The following SUGCT variants were observed in gnomAD, a reference collection of about 807,000 sequenced individuals.
SUGCT encodes the protein succinyl-CoA:glutarate-CoA transferase.
In SUGCT, 41 loss-of-function variants were observed where a neutral mutation model predicts 55.0. The ratio of observed to expected loss-of-function variants is 0.74; its 90% confidence interval spans 0.58 to 0.97. The LOEUF is 0.97. SUGCT is among the 50% of genes least tolerant of loss of function. SUGCT has a pLI of 0.00. For missense variants in SUGCT, 568 were observed against 547.8 expected (o/e 1.04, Z -0.37); for synonymous variants, 187 against 200.4 (o/e 0.93, Z 0.56).
At chr7:40,209,653 A>T (rs1787215380) in intron 6 of SUGCT, among the ~76,000 whole-genome samples, 1 of 152,002 alleles carries the variant, frequency 6.6e-6, no homozygotes, top group African/African-American at 2.4e-5. Flanking sequence ...AAAATTATCC[A>T]GGTGTGGTGG....
At chr7:40,325,898 C>CTTTTTTTTTTTTT (rs71560191) in intron 9 of SUGCT, among the ~76,000 whole-genome samples, 2 of 122,180 alleles carry the variant, frequency 1.6e-5, no homozygotes. Context: ...GGATGTGCGT[C>CTTTTTTTTTTTTT]TTTTTTTTTT....
intron 12 of SUGCT, among the ~76,000 whole-genome samples, chr7:40,566,615 AAAATCT>A (rs1439421648): frequency 6.6e-6 from 1 of 152,240 alleles, no homozygotes; most frequent in East Asian, 1.9e-4. Flanking sequence ...TGAGACCTTA[AAAATCT>A]TTATTATGTT....
chr7:40,522,245 T>C (rs1422362158), intron 12 of SUGCT, among the ~76,000 whole-genome samples: 1 of 152,140 alleles, frequency 6.6e-6, no homozygotes, highest in Non-Finnish European at 1.5e-5. Context: ...TCTCTAACAC[T>C]TGCAAATTAA....
At chr7:40,368,676 AAC>A in intron 9 of SUGCT, among the ~76,000 whole-genome samples, 1 of 152,316 alleles carries the variant, frequency 6.6e-6, no homozygotes, top group Admixed American at 6.5e-5. Flanking sequence ...CACTACTCTG[AAC>A]TAGGCATGAA....
At chr7:40,968,924 G>C in the SUGCT span, among the ~76,000 whole-genome samples, 4 of 152,104 alleles carry the variant, frequency 2.6e-5, no homozygotes, top group African/African-American at 9.7e-5. Context: ...CATCCAGAAG[G>C]CCTGCCTGTA....
chr7:40,896,193 C>T, the SUGCT span, among the ~76,000 whole-genome samples: 1 of 151,734 alleles, frequency 6.6e-6, no homozygotes, highest in African/African-American at 2.4e-5. Flanking sequence ...TTTCTGTACA[C>T]TAACAATTAC....
intron 5 of SUGCT, among the ~76,000 whole-genome samples, chr7:40,191,265 C>T (rs1385424084): frequency 6.6e-6 from 1 of 152,130 alleles, no homozygotes; most frequent in Non-Finnish European, 1.5e-5. Flanking sequence ...GATCCACCCG[C>T]CTCGGCCTCT....
chr7:40,350,194 T>C (rs1411971403), intron 9 of SUGCT, among the ~76,000 whole-genome samples: 1 of 151,648 alleles, frequency 6.6e-6, no homozygotes, highest in Non-Finnish European at 1.5e-5. Context: ...AAGATAATAC[T>C]TTTTATGTCA....
At chr7:40,177,331 C>T (rs991625793) in intron 1 of SUGCT, among the ~76,000 whole-genome samples, 5 of 151,926 alleles carry the variant, frequency 3.3e-5, no homozygotes, top group African/African-American at 1.2e-4. Flanking sequence ...GCTTCTGCTC[C>T]CTGCACATCA....
chr7:40,551,910 C>A (rs974322856), intron 12 of SUGCT, among the ~76,000 whole-genome samples: 2 of 152,206 alleles, frequency 1.3e-5, no homozygotes, highest in Admixed American at 6.5e-5. Flanking sequence ...ACTTGACTTG[C>A]AAGCTGTGAG....
the SUGCT span, among the ~76,000 whole-genome samples, chr7:41,029,242 A>G: frequency 2.6e-5 from 4 of 152,146 alleles, no homozygotes; most frequent in Non-Finnish European, 4.4e-5. Flanking sequence ...GTTACACTCT[A>G]CAAGGTGAGT....
chr7:40,153,978 T>C (rs1411454081), intron 1 of SUGCT: 3 of 295,136 alleles, frequency 1.0e-5, no homozygotes, highest in Non-Finnish European at 2.0e-5. Context: ...AGCTGTACGA[T>C]GTACTCAGGA....
Position 40,749,435 on chromosome 7 carries a change from T to C in SUGCT, c.1091T>C (p.Val364Ala). 1.9e-6 allele frequency: 3 copies of C among 1,613,352 alleles called. No homozygotes were observed. Among genetic ancestry groups the C allele is most frequent in the Non-Finnish European group, 2.5e-6 (3 of 1,179,304 alleles). Residue 364 changes from valine to alanine, a missense_variant and splice_region_variant, in exon 13 of 14, where the codon GTA (valine) becomes GCA (alanine). Coordinates refer to ENST00000335693, the MANE Select transcript of SUGCT (RefSeq NM_001193313.2). Reference sequence around the variant, plus strand: ...TTCTCTCTGTTTTTGCCTTTTCAGGTATTACACAATGGCCTCGTTATGGAG... The same window carrying C: ...TTCTCTCTGTTTTTGCCTTTTCAGGCATTACACAATGGCCTCGTTATGGAG... ...NMKNVFAEPQVLHNGLVMEME... is the reference protein window; with the variant it reads ...NMKNVFAEPQALHNGLVMEME...
At chr7:40,349,601 A>G (rs1797506724) in intron 9 of SUGCT, among the ~76,000 whole-genome samples, 1 of 152,088 alleles carries the variant, frequency 6.6e-6, no homozygotes, top group Non-Finnish European at 1.5e-5. Flanking sequence ...ACTTATTCTC[A>G]GTTACAAAAT....
chr7:40,854,408 TTTCTTTCTTTC>T (rs1794028078), intron 13 of SUGCT, among the ~76,000 whole-genome samples: 1 of 94,980 alleles, frequency 1.1e-5, no homozygotes, highest in East Asian at 1.1e-3. Flanking sequence ...TCTTTCTTTC[TTTCTTTCTTTC>T]CTTTCTTTCT....
chr7:40,761,149 T>C (rs1584399313), intron 13 of SUGCT, among the ~76,000 whole-genome samples: 2 of 152,194 alleles, frequency 1.3e-5, no homozygotes, highest in South Asian at 4.1e-4. Flanking sequence ...CACTGTGTAA[T>C]GGGGCATGTG....
At chr7:40,992,746 C>T in the SUGCT span, among the ~76,000 whole-genome samples, 1 of 152,170 alleles carries the variant, frequency 6.6e-6, no homozygotes, top group South Asian at 2.1e-4. Context: ...ACAGCCACAC[C>T]TAGCAGTAAT....
intron 13 of SUGCT, among the ~76,000 whole-genome samples, chr7:40,772,538 C>G (rs1335758413): frequency 2.0e-5 from 3 of 150,682 alleles, no homozygotes; most frequent in African/African-American, 7.3e-5. Flanking sequence ...ATCTATCTAT[C>G]TATCTATCTA....
the SUGCT span, among the ~76,000 whole-genome samples, chr7:40,913,030 G>C: frequency 3.9e-5 from 1 of 25,326 alleles, no homozygotes; most frequent in Non-Finnish European, 7.5e-5. Context: ...TTTTTTTTTT[G>C]AGATGTAATC....
Sources: allele counts gnomAD v4.1 joint callset (sites outside exome capture counted in the v4.1 genomes callset), GRCh38; gene constraint gnomAD v4.1.1; transcripts MANE v1.5; gene names NCBI Gene and HGNC (gene_info 2026-07-23, HGNC 2026-07-21).